MCF2L: variants seen among roughly 807,000 people sequenced by gnomAD.
MCF2L encodes the protein MCF.2 cell line derived transforming sequence like.
In MCF2L, 97 loss-of-function variants were observed where a neutral mutation model predicts 153.4. The observed-to-expected ratio is 0.63, with a 90% confidence interval of 0.54 to 0.75. The LOEUF is 0.75. Ranked by LOEUF, MCF2L falls within the 30% of genes least tolerant of loss-of-function variation. MCF2L has a pLI of 0.00. For missense variants in MCF2L, 1,347 were observed against 1,495.2 expected (o/e 0.90, Z 1.64); for synonymous variants, 659 against 632.2 (o/e 1.04, Z -0.64).
At chr13:113,014,045 C>T (rs2084348805) in intron 1 of MCF2L, among the ~76,000 whole-genome samples, 1 of 151,858 alleles carries the variant, frequency 6.6e-6, no homozygotes, top group South Asian at 2.1e-4. Flanking sequence ...CTGGTGCTGA[C>T]CCCATGCTCC....
At chr13:113,044,704 C>G in intron 3 of MCF2L, 1 of 1,612,858 alleles carries the variant, frequency 6.2e-7, no homozygotes, top group South Asian at 1.1e-5. Context: ...ATACAACGCG[C>G]AAGTGTGGTC....
chr13:112,930,172 A>G (rs778064947), intron 2 of MCF2L, among the ~76,000 whole-genome samples: 3 of 152,174 alleles, frequency 2.0e-5, no homozygotes, highest in Non-Finnish European at 2.9e-5. Context: ...CTCTTACCAT[A>G]CAGTCCAGTG....
chr13:112,985,611 T>C, intron 1 of MCF2L: 1 of 349,014 alleles, frequency 2.9e-6, no homozygotes, highest in African/African-American at 2.1e-5. Flanking sequence ...CTGTGTCCCC[T>C]GTGGAATTTG....
intron 3 of MCF2L, among the ~76,000 whole-genome samples, chr13:113,039,709 G>T (rs2086363194): frequency 6.6e-6 from 1 of 152,190 alleles, no homozygotes; most frequent in South Asian, 2.1e-4. Flanking sequence ...AAGGCTTCCT[G>T]CCTCTGGGAA....
At chr13:113,004,079 C>T (rs927783871) in intron 1 of MCF2L, among the ~76,000 whole-genome samples, 6 of 152,216 alleles carry the variant, frequency 3.9e-5, no homozygotes, top group Non-Finnish European at 8.8e-5. Context: ...ACATGTGTTC[C>T]AGGCAGACCA....
At chr13:112,942,321 G>A (rs1370847808) in intron 2 of MCF2L, among the ~76,000 whole-genome samples, 4 of 152,126 alleles carry the variant, frequency 2.6e-5, no homozygotes, top group East Asian at 1.9e-4. Context: ...TCTCTGCCTC[G>A]GCTGCCAGGC....
chr13:113,033,104 A>G (rs78560834), intron 3 of MCF2L, among the ~76,000 whole-genome samples: 2 of 61,266 alleles, frequency 3.3e-5, no homozygotes, highest in African/African-American at 6.5e-5. Flanking sequence ...AGTGGCTGCC[A>G]TGACGTGAGT....
At chr13:112,977,145 G>A (rs1399305929) in intron 1 of MCF2L, among the ~76,000 whole-genome samples, 2 of 152,174 alleles carry the variant, frequency 1.3e-5, no homozygotes, top group Admixed American at 1.3e-4. Flanking sequence ...CACGACTAAT[G>A]GAGTGGCTAA....
rs763935551 is a variant in MCF2L, at chr13:113,078,672, A to G, written c.1741A>G (p.Met581Val). The change falls in exon 15 of 30, where the codon ATG becomes GTG. Residue 581 changes from methionine (M) to valine (V), a missense_variant. Around this residue, in one of 3 missense-constraint regions of MCF2L, gnomAD observed 820 missense variants for 921.2 expected, o/e 0.89. Transcript: ENST00000535094. Reference protein sequence around the residue: ...RGPYRRAKSEMSESRQGRGSA... With the variant: ...RGPYRRAKSEVSESRQGRGSA... ...ACGCTGTTTTTCTCCCCAGAGTGAGATGAGTGAGAGCCGGCAGGGCCGCGG... is the reference window on the plus strand; with the variant it reads ...ACGCTGTTTTTCTCCCCAGAGTGAGGTGAGTGAGAGCCGGCAGGGCCGCGG... 5.6e-6 allele frequency: 9 copies of G among 1,612,134 alleles called. No homozygotes were observed. Among genetic ancestry groups the G allele is most frequent in the Admixed American group, 1.7e-5 (1 of 59,952 alleles).
chr13:112,922,956 A>C (rs1241214109), intron 2 of MCF2L, among the ~76,000 whole-genome samples: 2 of 152,278 alleles, frequency 1.3e-5, no homozygotes, highest in African/African-American at 4.8e-5. Flanking sequence ...TAGATGTGGA[A>C]AAAGCACTCG....
rs1443328810 is a variant in MCF2L at position 112,941,760 on chromosome 13, A to G, written c.169+39389A>G. ...ATCTTAGATGTGATTATATATGAAT[A>G]TCAATCATTAGTTTGTAGCAATTAC... On this transcript the variant is annotated intron_variant, in intron 2 of 29. Transcript: ENST00000375608. This position sits in a 1 kb window ranked among gnomAD's most constrained non-coding sequence, Gnocchi z 4.9. Among the ~76,000 whole-genome samples the G allele has an allele frequency of 6.6e-6, 1 of 152,248 alleles. No individual in the cohort carries two copies. Among genetic ancestry groups the G allele is most frequent in the African/African-American group, 2.4e-5 (1 of 41,462 alleles).
intron 3 of MCF2L, chr13:113,040,744 G>A (rs1233263136): frequency 1.3e-5 from 2 of 152,292 alleles, no homozygotes; most frequent in Non-Finnish European, 2.9e-5. Context: ...CTGGGGGAAC[G>A]TGGTGCTGGG....
chr13:112,915,410 C>CCAAAAAAAAAAAAAAAAAAAAAAA (rs2081281143), intron 2 of MCF2L, among the ~76,000 whole-genome samples: 11 of 86,918 alleles, frequency 1.3e-4, no homozygotes, highest in African/African-American at 5.9e-4. Flanking sequence ...CTCTGTCTCA[C>CCAAAAAAAAAAAAAAAAAAAAAAA]AAAAAAAAAA....
At chr13:112,942,254 G>A (rs537442397) in intron 2 of MCF2L, among the ~76,000 whole-genome samples, 1 of 152,332 alleles carries the variant, frequency 6.6e-6, no homozygotes, top group East Asian at 1.9e-4. Flanking sequence ...ATTAGTGAAA[G>A]TACTAAAAGT....
intron 2 of MCF2L, among the ~76,000 whole-genome samples, chr13:112,952,183 G>A (rs1223485361): frequency 2.6e-5 from 4 of 152,178 alleles, no homozygotes; most frequent in Non-Finnish European, 2.9e-5. Flanking sequence ...AGGTTGAATC[G>A]GGTGTGTTTA....
Position 113,081,246 on chromosome 13 carries a change from G to A in MCF2L, c.1842G>A (p.Arg614=). 1.3e-6 allele frequency: 2 copies of A among 1,592,898 alleles called. No homozygotes were observed. The highest frequency in any genetic ancestry group is 8.5e-7 in the Non-Finnish European group (1 of 1,170,820). The stretch of plus-strand genomic sequence containing the variant: ...TGAGCGAGCTCCTGGACACAGAACG[G>A]GCCTACGTGGAGGAGCTGCTGTGCG... ...HVMSELLDTE[R]AYVEELLCVL... The change falls in exon 16 of 30, where the codon CGG becomes CGA. Residue 614 remains arginine, a synonymous_variant. Transcript: ENST00000535094.
chr13:112,945,831 A>G (rs1210880975), intron 2 of MCF2L, among the ~76,000 whole-genome samples: 1 of 152,236 alleles, frequency 6.6e-6, no homozygotes, highest in Non-Finnish European at 1.5e-5. Context: ...TAGATGTACA[A>G]AAGTAACATG....
intron 20 of MCF2L, 124 bp from the exon 21 acceptor site, chr13:113,086,000 C>T: frequency 9.5e-7 from 1 of 1,051,878 alleles, no homozygotes; most frequent in Non-Finnish European, 1.3e-6. Context: ...GGCAGGGCAG[C>T]TCCCCACAGA....
intron 27 of MCF2L, chr13:113,095,286 G>A: frequency 8.5e-7 from 1 of 1,182,622 alleles, no homozygotes; most frequent in Non-Finnish European, 1.1e-6. Flanking sequence ...AAGGGGACAG[G>A]TCCCGGAGGC....
Sources: gnomAD v4.1 joint callset for allele counts (sites outside exome capture counted in the v4.1 genomes callset) on GRCh38, gnomAD v4.1.1 for gene constraint, gnomAD v4.1.1 regional missense constraint, Gnocchi (gnomAD v3.1) non-coding constraint, MANE v1.5 for transcripts, NCBI Gene and HGNC (gene_info 2026-07-23, HGNC 2026-07-21) for gene names.